Variants in AFF3 observed in about 807,000 individuals in gnomAD.
AFF3 encodes ALF transcription elongation factor 3, also known as AF4/FMR2 family member 3.
AFF3 carries 32 observed loss-of-function variants against 129.7 expected under a neutral mutation model. The ratio of observed to expected loss-of-function variants is 0.25; its 90% CI spans 0.19 to 0.33. The LOEUF is 0.33. AFF3 is among the 10% of genes least tolerant of loss of function. AFF3 has a pLI of 1.00. For missense variants in AFF3, 1,373 were observed against 1,592.0 expected, an observed-to-expected ratio of 0.86 and a Z score of 2.34; for synonymous variants, 644 against 635.4, an observed-to-expected ratio of 1.01 and a Z score of -0.20.
At chr2:100,121,627 G>A (rs1212373210) in intron 2 of AFF3, among the ~76,000 whole-genome samples, 1 of 152,206 alleles carries the variant, frequency 6.6e-6, no homozygotes, top group Non-Finnish European at 1.5e-5. Flanking sequence ...CAAGTGGAGA[G>A]GGGATGGGTT....
chr2:100,056,915 G>C (rs940756051), intron 4 of AFF3, among the ~76,000 whole-genome samples: 5 of 151,840 alleles, frequency 3.3e-5, no homozygotes, highest in African/African-American at 1.2e-4. Context: ...CTGGTTTTTT[G>C]AACAGCTGGT....
intron 13 of AFF3, among the ~76,000 whole-genome samples, chr2:99,610,244 T>C (rs1337516679): frequency 6.6e-6 from 1 of 152,154 alleles, no homozygotes; most frequent in Admixed American, 6.6e-5. Flanking sequence ...CATAAAGATC[T>C]CCCTCATGAC....
At chr2:99,996,470 C>T (rs370206276) in intron 7 of AFF3, among the ~76,000 whole-genome samples, 19 of 151,216 alleles carry the variant, frequency 1.3e-4, no homozygotes, top group African/African-American at 4.4e-4. Flanking sequence ...AGTGCAGCGG[C>T]GCCATCTCGG....
intron 13 of AFF3, among the ~76,000 whole-genome samples, chr2:99,633,086 G>T (rs970357179): frequency 4.6e-5 from 7 of 151,988 alleles, no homozygotes; most frequent in Middle Eastern, 6.8e-3. Context: ...TGTTTTACAC[G>T]CCTCTTTCCC....
At chr2:99,647,022 AG>A (rs1684755975) in intron 13 of AFF3, among the ~76,000 whole-genome samples, 1 of 152,232 alleles carries the variant, frequency 6.6e-6, no homozygotes, top group African/African-American at 2.4e-5. Flanking sequence ...GAGCCTGTGG[AG>A]AAAAACGAAT....
At chr2:99,661,903 G>A (rs1484438110) in intron 12 of AFF3, among the ~76,000 whole-genome samples, 2 of 152,110 alleles carry the variant, frequency 1.3e-5, no homozygotes, top group African/African-American at 4.8e-5. Flanking sequence ...ACTTTGGAAG[G>A]CCAAGGCAGG....
At chr2:99,933,141 C>T (rs907403972) in intron 7 of AFF3, among the ~76,000 whole-genome samples, 1 of 150,594 alleles carries the variant, frequency 6.6e-6, no homozygotes, top group African/African-American at 2.4e-5. Flanking sequence ...TGAGTTTCAC[C>T]GGAGGTCTTT....
chr2:99,988,660 C>T (rs1680080298), intron 7 of AFF3, among the ~76,000 whole-genome samples: 1 of 152,078 alleles, frequency 6.6e-6, no homozygotes, highest in Admixed American at 6.5e-5. Context: ...TATTTGGTCT[C>T]GAGGGGGCTG....
chr2:99,826,122 C>G (rs1311847690), intron 8 of AFF3, among the ~76,000 whole-genome samples: 1 of 152,146 alleles, frequency 6.6e-6, no homozygotes, highest in Non-Finnish European at 1.5e-5. Flanking sequence ...TCAGGTGACT[C>G]TCATGCCTCA....
chr2:99,788,778 T>C (rs1318391990), intron 8 of AFF3, among the ~76,000 whole-genome samples: 1 of 152,200 alleles, frequency 6.6e-6, no homozygotes, highest in African/African-American at 2.4e-5. Context: ...CCAGAGCAAC[T>C]TCCAGTCCTG....
intron 21 of AFF3, among the ~76,000 whole-genome samples, chr2:99,559,268 C>A (rs967469336): frequency 6.6e-6 from 1 of 152,244 alleles, no homozygotes; most frequent in Non-Finnish European, 1.5e-5. Context: ...CACGAGAGGG[C>A]GCTGTCTCTC....
At chr2:100,054,495 C>T (rs1033203693) in intron 4 of AFF3, among the ~76,000 whole-genome samples, 2 of 152,150 alleles carry the variant, frequency 1.3e-5, no homozygotes, top group Non-Finnish European at 2.9e-5. Flanking sequence ...CCTGCGACAT[C>T]AGTTTTTCCC....
chr2:99,677,219 G>A (rs932900547), intron 11 of AFF3, among the ~76,000 whole-genome samples: 5 of 148,936 alleles, frequency 3.4e-5, no homozygotes, highest in Non-Finnish European at 4.4e-5. Context: ...AGAGTGAGCC[G>A]AGGTTGTACC....
intron 8 of AFF3, among the ~76,000 whole-genome samples, chr2:99,802,237 A>C (rs1685994434): frequency 6.6e-6 from 1 of 152,184 alleles, no homozygotes; most frequent in Non-Finnish European, 1.5e-5. Context: ...AACTTTTTTA[A>C]TGGATTTTTA....
chr2:99,890,321 T>C (rs144386816), intron 7 of AFF3, among the ~76,000 whole-genome samples: 84 of 152,348 alleles, frequency 5.5e-4, no homozygotes, highest in African/African-American at 1.9e-3. Context: ...TCATTAGGTG[T>C]ACGTTCTGGG....
intron 4 of AFF3, among the ~76,000 whole-genome samples, chr2:100,033,709 T>C (rs545522395): frequency 1.2e-4 from 19 of 152,310 alleles, no homozygotes; most frequent in African/African-American, 4.3e-4. Context: ...TCCCACTTGC[T>C]GTTTTTATTG....
intron 11 of AFF3, among the ~76,000 whole-genome samples, chr2:99,726,540 GAAGA>G (rs1289720034): frequency 1.3e-5 from 2 of 152,166 alleles, no homozygotes; most frequent in Non-Finnish European, 2.9e-5. Flanking sequence ...TGAATATTGA[GAAGA>G]AACAGACAAA....
intron 4 of AFF3, among the ~76,000 whole-genome samples, chr2:100,038,432 T>C (rs1161896571): frequency 6.6e-6 from 1 of 152,008 alleles, no homozygotes. Context: ...CAAAAAGTGT[T>C]TTACAGAAAG....
intron 7 of AFF3, among the ~76,000 whole-genome samples, chr2:99,933,820 G>C (rs1005189012): frequency 1.3e-5 from 2 of 152,106 alleles, no homozygotes; most frequent in Non-Finnish European, 2.9e-5. Flanking sequence ...GTACATGTGT[G>C]AAAGGCTCTT....
Sources: allele counts gnomAD v4.1 joint callset (sites outside exome capture counted in the v4.1 genomes callset), GRCh38; gene constraint gnomAD v4.1.1; transcripts MANE v1.5; gene names NCBI Gene and HGNC (gene_info 2026-07-23, HGNC 2026-07-21).